The following GPC6 variants were observed in gnomAD, a reference collection of about 807,000 sequenced individuals.
GPC6 encodes the protein glypican-6.
GPC6 carries 14 observed loss-of-function variants against 55.2 expected under a neutral mutation model. That is an observed-to-expected ratio of 0.25 (90% CI 0.17 to 0.40). GPC6 has a LOEUF of 0.40. Ranked by LOEUF, GPC6 falls within the 10% of genes least tolerant of loss-of-function variation. The probability of loss-of-function intolerance (pLI) is 1.00; values close to 1 mark genes in which losing one functional copy is unlikely to be tolerated. For synonymous variants in GPC6, 278 were observed against 259.6 expected, an observed-to-expected ratio of 1.07 and a Z score of -0.68; for missense variants, 641 against 708.5, an observed-to-expected ratio of 0.90 and a Z score of 1.08.
At chr13:93,879,592 A>G (rs1224332934) in intron 3 of GPC6, among the ~76,000 whole-genome samples, 1 of 151,244 alleles carries the variant, frequency 6.6e-6, no homozygotes, top group Admixed American at 6.6e-5. Context: ...TAAACGTTAG[A>G]CCTAAAACCA....
intron 4 of GPC6, among the ~76,000 whole-genome samples, chr13:94,184,405 C>T (rs191251226): frequency 1.3e-5 from 2 of 151,516 alleles, no homozygotes; most frequent in Non-Finnish European, 2.9e-5. Flanking sequence ...AAAGGTCTAA[C>T]ATCCAGAATC....
At chr13:93,953,193 A>G (rs1007731295) in intron 3 of GPC6, among the ~76,000 whole-genome samples, 2 of 151,718 alleles carry the variant, frequency 1.3e-5, no homozygotes, top group African/African-American at 4.8e-5. Flanking sequence ...CTTTTCTTCC[A>G]TGGTCTCCCT....
rs1373674982 is a variant in GPC6, at chr13:93,659,842, A to T, written c.319+114421A>T. On this transcript the variant is annotated intron_variant, in intron 2 of 8. Coordinates refer to ENST00000377047, the MANE Select transcript of GPC6 (RefSeq NM_005708.5). ...TCTATTCTCTCAGTAAGCATCTTAA[A>T]GTAAACGTATTTTATGTTTAAACCT... Among the ~76,000 whole-genome samples, 4 of 152,060 alleles carry T rather than the reference A, an allele frequency of 2.6e-5. No homozygotes were observed. In the East Asian group the frequency reaches 7.7e-4, roughly 29 times the overall value.
At chr13:93,385,481 C>T (rs376428636) in intron 1 of GPC6, among the ~76,000 whole-genome samples, 17 of 152,194 alleles carry the variant, frequency 1.1e-4, no homozygotes, top group East Asian at 9.7e-4. Flanking sequence ...TTTAGAGGCA[C>T]CTAAAGAGGA....
At chr13:93,494,642 G>A (rs1019260639) in intron 1 of GPC6, among the ~76,000 whole-genome samples, 2 of 152,110 alleles carry the variant, frequency 1.3e-5, no homozygotes, top group Non-Finnish European at 2.9e-5. Context: ...ATTTTGGCAT[G>A]ATTTTGCAGC....
rs772282095 is a variant in GPC6, at chr13:94,403,177, T to C, written c.1628T>C (p.Leu543Pro). The C allele has an allele frequency of 1.9e-6, 3 of 1,614,048 alleles. No individual in the cohort carries two copies. ...QRGHSLLSWS[L>P]TCIVLALQRL... ...GGCCACTCCCTGCTCTCCTGGTCTC[T>C]CACCTGCATTGTCCTGGCACTGCAG... Residue 543 changes from leucine (L) to proline (P), a missense_variant, in exon 9 of 9, where the codon CTC (leucine) becomes CCC (proline). Physicochemically the swap from Leu to Pro is moderately conservative, Grantham distance 98 (BLOSUM62 -3). Transcript: ENST00000377047.
intron 2 of GPC6, among the ~76,000 whole-genome samples, chr13:93,583,918 A>G (rs1877066729): frequency 6.6e-6 from 1 of 152,188 alleles, no homozygotes; most frequent in Non-Finnish European, 1.5e-5. Flanking sequence ...GAAAGAGAGA[A>G]AAGAGCCAGA....
In GPC6 at chr13:93,227,922, G is replaced by A. The variant is rs376765152; in HGVS notation, c.160+306G>A. On this transcript the variant is annotated intron_variant, in intron 1 of 8. Transcript: ENST00000377047. The surrounding 1 kb of genome is among the most constrained non-coding windows in gnomAD (Gnocchi z 4.3). ...CAGGCCCGGCTGGCCAGGGAGCCCG[G>A]GTCACTCCGGGGCGGCTGCAAGGCG... Among the ~76,000 whole-genome samples the A allele has an allele frequency of 3.9e-5, 6 of 152,132 alleles. No homozygotes were observed. Among genetic ancestry groups the A allele is most frequent in the African/African-American group, 1.4e-4 (6 of 41,454 alleles).
At position 93,300,714 on chromosome 13, in the gene GPC6, CTTTATATAGAA is replaced by C. The variant is rs565603541; in HGVS notation, c.160+73103_160+73113del. On this transcript the variant is annotated intron_variant, in intron 1 of 8. Transcript: ENST00000377047. ...AGACAATAGAGGTATCAGTTCTTTCCTTTATATAGAATTTAAGAAAACTGGCTTGGCATGGT... is the reference window on the plus strand; with the variant it reads ...AGACAATAGAGGTATCAGTTCTTTCCTTTAAGAAAACTGGCTTGGCATGGT... 2.1e-3 allele frequency among the ~76,000 whole-genome samples: 313 copies of C among 149,590 alleles called. 2 individuals are homozygous for C. Among genetic ancestry groups the C allele is most frequent in the African/African-American group, 7.4e-3 (303 of 40,696 alleles).
At chr13:93,457,220 C>T (rs1331485142) in intron 1 of GPC6, among the ~76,000 whole-genome samples, 1 of 152,144 alleles carries the variant, frequency 6.6e-6, no homozygotes, top group Non-Finnish European at 1.5e-5. Context: ...ATGGCCTTCT[C>T]CCTCTATGTG....
intron 1 of GPC6, among the ~76,000 whole-genome samples, chr13:93,481,646 T>G (rs2139342179): frequency 6.6e-6 from 1 of 152,128 alleles, no homozygotes; most frequent in South Asian, 2.1e-4. Flanking sequence ...TTCATTTTTT[T>G]TTTGTACGTA....
In GPC6 at chr13:93,226,817, T is replaced by TC. The variant is rs985523312; in HGVS notation, c.-637dup. The stretch of plus-strand genomic sequence containing the variant: ...TTCTTTCTCCCCCCTCCTTTCTCCT[T>TC]CCCTCTTGCCTCCAGTGACTGTCTC... On this transcript the variant is annotated 5_prime_UTR_variant, in exon 1 of 9. Coordinates refer to ENST00000377047, the MANE Select transcript of GPC6 (RefSeq NM_005708.5). The TC allele has an allele frequency of 6.6e-6, 1 of 152,516 alleles. No homozygotes were observed. Among genetic ancestry groups the TC allele is most frequent in the Non-Finnish European group, 1.5e-5 (1 of 68,148 alleles). 9.4% of individuals were successfully genotyped at this position (152,516 alleles called of 1,614,324 possible).
rs1237913819 is a variant in GPC6 at position 93,362,659 on chromosome 13, T to C, written c.160+135043T>C. 2.6e-5 allele frequency among the ~76,000 whole-genome samples: 4 copies of C among 151,210 alleles called. No individual in the cohort carries two copies. In the Admixed American group the frequency reaches 2.7e-4, roughly 10 times the overall value. On this transcript the variant is annotated intron_variant, in intron 1 of 8. Transcript: ENST00000377047. ...AACTTATTCACAGAGGGAGAGAGTT[T>C]GGAAGTGACTTACTGATAATAAAAA...
At chr13:93,279,155 T>G (rs1877862901) in intron 1 of GPC6, among the ~76,000 whole-genome samples, 1 of 152,200 alleles carries the variant, frequency 6.6e-6, no homozygotes, top group South Asian at 2.1e-4. Context: ...GTTCTCAAAC[T>G]TGAGTGTGCA....
chr13:94,229,960 A>G (rs1289148358), intron 4 of GPC6, among the ~76,000 whole-genome samples: 1 of 152,172 alleles, frequency 6.6e-6, no homozygotes, highest in Admixed American at 6.5e-5. Flanking sequence ...AGTTACTATC[A>G]GTGGGAAATG....
At chr13:93,646,543 G>A (rs777459300) in intron 2 of GPC6, among the ~76,000 whole-genome samples, 5 of 151,980 alleles carry the variant, frequency 3.3e-5, no homozygotes, top group Non-Finnish European at 4.4e-5. Flanking sequence ...TAATCCCTAC[G>A]TGTTCTACTG....
intron 2 of GPC6, among the ~76,000 whole-genome samples, chr13:93,663,452 C>T (rs1303287598): frequency 1.3e-5 from 2 of 152,072 alleles, no homozygotes; most frequent in African/African-American, 4.8e-5. Flanking sequence ...GTCTGTTAAG[C>T]TTATGTACTT....
intron 1 of GPC6, among the ~76,000 whole-genome samples, chr13:93,374,374 G>T (rs1461217199): frequency 6.6e-6 from 1 of 152,070 alleles, no homozygotes; most frequent in Non-Finnish European, 1.5e-5. Flanking sequence ...CATCTTTGCC[G>T]CAGCTGGGAA....
intron 4 of GPC6, among the ~76,000 whole-genome samples, chr13:94,111,894 G>A (rs972647447): frequency 1.3e-5 from 2 of 152,126 alleles, no homozygotes; most frequent in South Asian, 2.1e-4. Flanking sequence ...TTTTGAAGCC[G>A]TGGACCCTGT....
Sources: allele counts gnomAD v4.1 joint callset (sites outside exome capture counted in the v4.1 genomes callset), GRCh38; gene constraint gnomAD v4.1.1; non-coding constraint Gnocchi (gnomAD v3.1); transcripts MANE v1.5; gene names NCBI Gene and HGNC (gene_info 2026-07-23, HGNC 2026-07-21).